Variants in NPTN observed in about 807,000 individuals in gnomAD.
The protein encoded by NPTN is neuroplastin.
Under a neutral mutation model 42.7 loss-of-function variants are expected in NPTN, and 5 were observed. The ratio of observed to expected loss-of-function variants is 0.12; its 90% confidence interval spans 0.06 to 0.25. NPTN has a LOEUF of 0.25. Ranked by LOEUF, NPTN falls within the 10% of genes least tolerant of loss-of-function variation. The pLI is 1.00. For missense variants in NPTN, 307 were observed against 525.4 expected, an observed-to-expected ratio of 0.58 and a Z score of 4.06; for synonymous variants, 180 against 201.9, an observed-to-expected ratio of 0.89 and a Z score of 0.92.
intron 3 of NPTN, among the ~76,000 whole-genome samples, chr15:73,590,258 T>C (rs1896518632): frequency 6.6e-6 from 1 of 152,122 alleles, no homozygotes; most frequent in South Asian, 2.1e-4. Flanking sequence ...CATCAGTTGT[T>C]ATTTCACGAA....
At chr15:73,571,733 C>A (rs771902136) in intron 5 of NPTN, among the ~76,000 whole-genome samples, 22 of 152,126 alleles carry the variant, frequency 1.4e-4, no homozygotes, top group Admixed American at 6.5e-4. Context: ...TGTGTCTTTA[C>A]CCTGCAACAA....
At chr15:73,585,372 T>C (rs1475809510) in intron 4 of NPTN, among the ~76,000 whole-genome samples, 1 of 152,172 alleles carries the variant, frequency 6.6e-6, no homozygotes, top group African/African-American at 2.4e-5. Context: ...ACTAAGGGAA[T>C]AAAATGAGAG....
At position 73,610,349 on chromosome 15, in the gene NPTN, ACCTCC is replaced by A. The variant is rs1897516686; in HGVS notation, c.92-12985_92-12981del. Among the ~76,000 whole-genome samples, 4 of 150,596 alleles carry A rather than the reference ACCTCC, an allele frequency of 2.7e-5. No individual in the cohort carries two copies. In the South Asian group the frequency reaches 8.4e-4, roughly 32 times the overall value. ...GGCCTCAAGTGGTCTTCCTGCCTTG[ACCTCC>A]CAAAGTACTGGGATTACAGGCATGA... On this transcript the variant is annotated intron_variant, in intron 1 of 8. Coordinates refer to ENST00000345330, the MANE Select transcript of NPTN (RefSeq NM_012428.4).
At chr15:73,578,376 T>A (rs1895806752) in intron 4 of NPTN, among the ~76,000 whole-genome samples, 1 of 151,962 alleles carries the variant, frequency 6.6e-6, no homozygotes, top group Non-Finnish European at 1.5e-5. Context: ...CTGGTTTCCA[T>A]GGGGGCAGTA....
intron 1 of NPTN, among the ~76,000 whole-genome samples, chr15:73,623,012 T>C (rs1898211658): frequency 6.6e-6 from 1 of 152,234 alleles, no homozygotes; most frequent in African/African-American, 2.4e-5. Context: ...CACAGCAGGA[T>C]TTTAACTAAT....
chr15:73,620,472 G>A (rs906848119), intron 1 of NPTN, among the ~76,000 whole-genome samples: 1 of 152,150 alleles, frequency 6.6e-6, no homozygotes, highest in Admixed American at 6.5e-5. Context: ...CAATGACTGA[G>A]GTGAAACTAC....
At chr15:73,588,279 G>GAAAC (rs574081827) in intron 3 of NPTN, among the ~76,000 whole-genome samples, 27 of 152,270 alleles carry the variant, frequency 1.8e-4, no homozygotes, top group African/African-American at 5.5e-4. Flanking sequence ...ATAAACAAGA[G>GAAAC]AAACAAACAA....
intron 5 of NPTN, among the ~76,000 whole-genome samples, chr15:73,571,463 A>G (rs1895379223): frequency 6.6e-6 from 1 of 152,220 alleles, no homozygotes. Flanking sequence ...AGAAGCCCCA[A>G]CAGAGCGTGT....
At chr15:73,607,169 T>C (rs1897330433) in intron 1 of NPTN, among the ~76,000 whole-genome samples, 1 of 152,206 alleles carries the variant, frequency 6.6e-6, no homozygotes, top group Non-Finnish European at 1.5e-5. Flanking sequence ...GGTCCCTACA[T>C]CTATCACCAT....
chr15:73,597,439 A>G lies in NPTN; in HGVS notation c.92-70T>C. 8.5e-7 allele frequency: 1 copy of G among 1,172,456 alleles called. No individual in the cohort carries two copies. Among genetic ancestry groups the G allele is most frequent in the Non-Finnish European group, 1.2e-6 (1 of 832,744 alleles). 72.6% of individuals were successfully genotyped at this position (1,172,456 alleles called of 1,614,324 possible). A position where few individuals can be genotyped will look rare whatever the true frequency, so the allele number is the denominator to read the frequency against. On this transcript the variant is annotated intron_variant, in intron 1 of 8. Transcript: ENST00000345330. This position sits in a 1 kb window ranked among gnomAD's most constrained non-coding sequence, Gnocchi z 6.3. Reference sequence around the variant, plus strand: ...AAAAAAAAAAGAATCAACAGGTGTTAATAGTAATTTAAAGAAAAGAAAAGA... The same window carrying G: ...AAAAAAAAAAGAATCAACAGGTGTTGATAGTAATTTAAAGAAAAGAAAAGA...
At chr15:73,568,493 A>T (rs1895171737) in intron 6 of NPTN, 2 of 985,414 alleles carry the variant, frequency 2.0e-6, no homozygotes, top group Non-Finnish European at 2.4e-6. Context: ...AAAGCTGAAA[A>T]CACACGAAAG....
intron 6 of NPTN, among the ~76,000 whole-genome samples, chr15:73,565,113 G>C (rs1398500407): frequency 6.6e-6 from 1 of 152,206 alleles, no homozygotes; most frequent in Non-Finnish European, 1.5e-5. Flanking sequence ...GTGTTTTAGC[G>C]ACAGTGCCTC....
chr15:73,576,988 T>C (rs1895734649), intron 4 of NPTN, among the ~76,000 whole-genome samples: 1 of 152,186 alleles, frequency 6.6e-6, no homozygotes, highest in Non-Finnish European at 1.5e-5. Context: ...TTGTTAGCTG[T>C]TCTTGAGGTT....
intron 4 of NPTN, among the ~76,000 whole-genome samples, chr15:73,580,439 A>AT (rs1420066406): frequency 4.9e-5 from 4 of 81,816 alleles, no homozygotes; most frequent in African/African-American, 2.0e-4. Context: ...TATAATATAT[A>AT]TAATATATAT....
At position 73,597,555 on chromosome 15, in the gene NPTN, G is replaced by T. The variant is rs1472863278; in HGVS notation, c.92-186C>A. On this transcript the variant is annotated intron_variant, in intron 1 of 8. Transcript: ENST00000345330. This position sits in a 1 kb window ranked among gnomAD's most constrained non-coding sequence, Gnocchi z 6.3. ...CAATTCATACAAGCTTTTAGAAGAA[G>T]AACCACACCCTGGGAAGCTTATGAA... Among the ~76,000 whole-genome samples, 4 of 152,178 alleles carry T rather than the reference G, an allele frequency of 2.6e-5. No individual in the cohort carries two copies. Among genetic ancestry groups the T allele is most frequent in the African/African-American group, 9.7e-5 (4 of 41,444 alleles).
intron 6 of NPTN, chr15:73,568,434 G>T: frequency 3.0e-6 from 3 of 985,404 alleles, no homozygotes; most frequent in South Asian, 4.7e-5. Context: ...ATTCTGGGGG[G>T]ATAAAAAGGC....
chr15:73,584,402 T>A (rs181367423), intron 4 of NPTN, among the ~76,000 whole-genome samples: 300 of 151,970 alleles, frequency 2.0e-3, no homozygotes, highest in Middle Eastern at 0.014. Flanking sequence ...TAAAAAAAAA[T>A]TTTAGAAAAG....
chr15:73,591,982 T>C lies in NPTN; in HGVS notation c.595A>G (p.Ser199Gly), dbSNP rs756020433. Reference sequence around the variant, plus strand: ...CACTCTCACCTGTACTCCATGTTGCTGGCATTCTTACGAGTGGCACTCAGT... The same window carrying C: ...CACTCTCACCTGTACTCCATGTTGCCGGCATTCTTACGAGTGGCACTCAGT... Reference protein sequence around the residue: ...VELSATRKNASNMEYRINKPR... With the variant: ...VELSATRKNAGNMEYRINKPR... The change falls in exon 3 of 9, where the codon AGC (serine) becomes GGC (glycine). Residue 199 changes from serine (S) to glycine (G), a missense_variant. Coordinates refer to ENST00000345330, the MANE Select transcript of NPTN (RefSeq NM_012428.4). The C allele has an allele frequency of 1.2e-6, 2 of 1,613,288 alleles. No homozygotes were observed. Among genetic ancestry groups the C allele is most frequent in the East Asian group, 4.5e-5 (2 of 44,882 alleles).
chr15:73,575,596 C>T (rs1380026899), intron 4 of NPTN, among the ~76,000 whole-genome samples: 2 of 152,242 alleles, frequency 1.3e-5, no homozygotes, highest in East Asian at 1.9e-4. Context: ...TCCTTGTCTA[C>T]CTCCCAGTGT....
Sources: allele counts gnomAD v4.1 joint callset (sites outside exome capture counted in the v4.1 genomes callset), GRCh38; gene constraint gnomAD v4.1.1; non-coding constraint Gnocchi (gnomAD v3.1); transcripts MANE v1.5; gene names NCBI Gene and HGNC (gene_info 2026-07-23, HGNC 2026-07-21).